The following FAM47E variants were observed in gnomAD, a reference collection of about 807,000 sequenced individuals.
FAM47E encodes the protein protein FAM47E.
In FAM47E, 32 loss-of-function variants were observed where a neutral mutation model predicts 41.6. That is an observed-to-expected ratio of 0.77 (90% confidence interval 0.58 to 1.03). The LOEUF is 1.03. Ranked by LOEUF, FAM47E falls within the 50% of genes least tolerant of loss-of-function variation. The pLI is 0.00. For missense variants in FAM47E, 424 were observed against 485.4 expected, an observed-to-expected ratio of 0.87 and a Z score of 1.19; for synonymous variants, 184 against 188.7, an observed-to-expected ratio of 0.98 and a Z score of 0.20.
chr4:76,263,554 C>A (rs925330590), intron 2 of FAM47E, 150 bp from the exon 3 acceptor site: 1 of 843,418 alleles, frequency 1.2e-6, no homozygotes, highest in Non-Finnish European at 1.7e-6. Context: ...TCCATAGCAC[C>A]CAGCATAATA....
chr4:76,252,473 A>C (rs1157391390), intron 1 of FAM47E, among the ~76,000 whole-genome samples: 1 of 152,148 alleles, frequency 6.6e-6, no homozygotes, highest in South Asian at 2.1e-4. Context: ...CTTGAGTAGA[A>C]GGCTAGTTCT....
chr4:76,237,350 AG>A (rs1446888069), intron 2 of FAM47E, among the ~76,000 whole-genome samples: 1 of 52,364 alleles, frequency 1.9e-5, no homozygotes, highest in African/African-American at 5.2e-5. Flanking sequence ...GGGGCCTTAG[AG>A]TTTTTTTTTT....
intron 5 of FAM47E, among the ~76,000 whole-genome samples, chr4:76,276,029 GACAGACAGACACACACAC>G (rs1266373291): frequency 5.8e-4 from 69 of 118,780 alleles, no homozygotes; most frequent in African/African-American, 1.6e-3. Context: ...CAGACAGACA[GACAGACAGACACACACAC>G]ACACACACAC....
chr4:76,263,180 G>A (rs561114164), intron 2 of FAM47E, among the ~76,000 whole-genome samples: 17 of 152,236 alleles, frequency 1.1e-4, no homozygotes, highest in Admixed American at 2.6e-4. Context: ...AGTGGTATGC[G>A]TTTATACATA....
intron 2 of FAM47E, among the ~76,000 whole-genome samples, chr4:76,235,578 C>G (rs1215790943): frequency 1.3e-5 from 2 of 152,094 alleles, no homozygotes; most frequent in Admixed American, 6.5e-5. Flanking sequence ...TTAACTTGTC[C>G]AAGATCATGA....
At chr4:76,280,203 C>G in intron 6 of FAM47E, 61 bp from the exon 7 acceptor site, 1 of 1,023,606 alleles carries the variant, frequency 9.8e-7, no homozygotes, top group South Asian at 1.5e-5. Flanking sequence ...TTAATGAGAA[C>G]AAATATGAAA....
At chr4:76,235,272 C>A (rs576891520) in intron 2 of FAM47E, among the ~76,000 whole-genome samples, 3 of 152,048 alleles carry the variant, frequency 2.0e-5, no homozygotes, top group Non-Finnish European at 4.4e-5. Context: ...GAGCCGAGAT[C>A]GCACCGCTGC....
chr4:76,261,342 G>T (rs939045736), intron 2 of FAM47E, among the ~76,000 whole-genome samples: 2 of 152,102 alleles, frequency 1.3e-5, no homozygotes, highest in African/African-American at 2.4e-5. Flanking sequence ...CAAAGGAAAA[G>T]AAATTGTTTT....
chr4:76,246,159 C>G (rs186449544), intron 2 of FAM47E, among the ~76,000 whole-genome samples: 2 of 152,246 alleles, frequency 1.3e-5, no homozygotes, highest in African/African-American at 4.8e-5. Context: ...TAATGGTTGT[C>G]AAAACACTGT....
At chr4:76,260,983 C>CA (rs574495962) in intron 2 of FAM47E, among the ~76,000 whole-genome samples, 3,033 of 126,952 alleles carry the variant, frequency 0.024, 98 homozygotes, top group African/African-American at 0.076. Context: ...GACCCTGTCT[C>CA]AAAAAAAAAA....
intron 2 of FAM47E, among the ~76,000 whole-genome samples, chr4:76,227,600 T>A (rs942775949): frequency 1.3e-5 from 2 of 152,224 alleles, no homozygotes; most frequent in African/African-American, 2.4e-5. Context: ...GTCTTGATGA[T>A]CTGTCTAATG....
chr4:76,229,795 C>G (rs1472204788), intron 2 of FAM47E, among the ~76,000 whole-genome samples: 2 of 152,202 alleles, frequency 1.3e-5, no homozygotes, highest in Non-Finnish European at 1.5e-5. Flanking sequence ...GCTTAGTGTG[C>G]TGGCTTTCTT....
At chr4:76,236,326 C>G (rs1244547473) in intron 2 of FAM47E, 1 of 152,238 alleles carries the variant, frequency 6.6e-6, no homozygotes, top group East Asian at 1.9e-4. Context: ...AAGTCTGAAA[C>G]TTTTTCATAT....
chr4:76,223,414 C>T (rs905708452), intron 2 of FAM47E, among the ~76,000 whole-genome samples: 1 of 152,248 alleles, frequency 6.6e-6, no homozygotes, highest in Admixed American at 6.5e-5. Context: ...TTTGAGAATT[C>T]ATCAAAATTT....
In FAM47E at chr4:76,283,469, G is replaced by A. The variant is rs370217841; in HGVS notation, c.*11G>A. 44 of 1,489,176 alleles carry A rather than the reference G, an allele frequency of 3.0e-5. No individual in the cohort carries two copies. In the African/African-American group the frequency reaches 5.2e-4, roughly 17 times the overall value. 92.2% of individuals were successfully genotyped at this position (1,489,176 alleles called of 1,614,324 possible). ...CGAACTCAAGCATAGAAGAATCGTA[G>A]GAGAATGATTAGGCAGATTTTATTA... On this transcript the variant is annotated 3_prime_UTR_variant, in exon 8 of 8. Transcript: ENST00000424749.
exon 2 of FAM47E, chr4:76,217,652 T>G: frequency 1.5e-6 from 1 of 654,434 alleles, no homozygotes; most frequent in Non-Finnish European, 2.8e-6. Flanking sequence ...TGCAGAACCA[T>G]GAGCCAAATA....
intron 5 of FAM47E, 46 bp from the exon 6 acceptor site, chr4:76,278,023 A>C: frequency 7.1e-7 from 1 of 1,410,356 alleles, no homozygotes; most frequent in Non-Finnish European, 9.3e-7. Flanking sequence ...GAAATGACAA[A>C]CAAACAAAAA....
intron 2 of FAM47E, among the ~76,000 whole-genome samples, chr4:76,222,227 CTTT>C (rs1163710967): frequency 6.9e-6 from 1 of 143,980 alleles, no homozygotes; most frequent in African/African-American, 2.5e-5. Context: ...TTCCTATCTT[CTTT>C]TTTTTTTTTT....
intron 5 of FAM47E, among the ~76,000 whole-genome samples, chr4:76,276,429 G>A (rs1258654845): frequency 3.3e-5 from 5 of 149,554 alleles, no homozygotes; most frequent in African/African-American, 1.2e-4. Flanking sequence ...CTGGAGTGCA[G>A]TGGCGTGATC....
Sources: gnomAD v4.1 joint callset for allele counts (sites outside exome capture counted in the v4.1 genomes callset) on GRCh38, gnomAD v4.1.1 for gene constraint, MANE v1.5 for transcripts, NCBI Gene and HGNC (gene_info 2026-07-23, HGNC 2026-07-21) for gene names.